The following PTGER2 variants were observed in gnomAD, a reference collection of about 807,000 sequenced individuals.
PTGER2 encodes prostaglandin E receptor 2.
In PTGER2, 22 loss-of-function variants were observed where a neutral mutation model predicts 26.2. The ratio of observed to expected loss-of-function variants is 0.84; its 90% confidence interval spans 0.60 to 1.20. The LOEUF (loss-of-function observed/expected upper bound fraction) is 1.20, where lower values mean the gene tolerates loss of function less well. Among genes scored for constraint, PTGER2 ranks in the 50% most tolerant of loss-of-function variants. The probability of loss-of-function intolerance (pLI) is 0.00; values close to 1 mark genes in which losing one functional copy is unlikely to be tolerated. For synonymous variants in PTGER2, 219 were observed against 208.9 expected, an observed-to-expected ratio of 1.05 and a Z score of -0.42; for missense variants, 458 against 475.2, an observed-to-expected ratio of 0.96 and a Z score of 0.34.
chr14:52,314,473 C>T lies in PTGER2; in HGVS notation c.-76C>T, dbSNP rs1221067196. The T allele has an allele frequency of 1.3e-5, 18 of 1,378,746 alleles. No individual in the cohort carries two copies. Among genetic ancestry groups the T allele is most frequent in the Admixed American group, 2.7e-5 (1 of 36,494 alleles). 85.4% of individuals were successfully genotyped at this position (1,378,746 alleles called of 1,614,324 possible). The stretch of plus-strand genomic sequence containing the variant: ...CCTTTTTCCTCTGAGTCTCGGAACG[C>T]TCCGGCTCTCAGACCCTCTTCCTCC... On this transcript the variant is annotated 5_prime_UTR_variant, in exon 1 of 2. Coordinates refer to ENST00000245457, the MANE Select transcript of PTGER2 (RefSeq NM_000956.4). The surrounding 1 kb of genome is among the most constrained non-coding windows in gnomAD (Gnocchi z 5.7).
rs1483105355 is a variant in PTGER2 at position 52,327,614 on chromosome 14, C to T, written c.*160C>T. 4.9e-6 allele frequency: 3 copies of T among 617,446 alleles called. No individual in the cohort carries two copies. Among genetic ancestry groups the T allele is most frequent in the Non-Finnish European group, 8.2e-6 (3 of 365,068 alleles). 38.2% of individuals were successfully genotyped at this position (617,446 alleles called of 1,614,324 possible). A position where few individuals can be genotyped will look rare whatever the true frequency, so the allele number is the denominator to read the frequency against. On this transcript the variant is annotated 3_prime_UTR_variant, in exon 2 of 2. Transcript: ENST00000245457. ...GTGGTCAAGGCTACAGATGTGCTGA[C>T]AAGGCACTTCATGTAAAGTGTCAGA...
rs748675650 is a variant in PTGER2 at position 52,327,247 on chromosome 14, T to C, written c.870T>C (p.Ser290=). The C allele has an allele frequency of 1.2e-6, 2 of 1,610,118 alleles. No individual in the cohort carries two copies. The highest frequency in any genetic ancestry group is 2.2e-5 in the South Asian group (2 of 90,896). ...TTTTTGCATATATGAATGAAACCTC[T>C]TCCCGAAAGGAAAAATGGGACCTCC... ...FTIFAYMNET[S]SRKEKWDLQA... is the part of the protein sequence containing the mutation. The change falls in exon 2 of 2, where the codon TCT becomes TCC. Residue 290 remains serine, a synonymous_variant. Transcript: ENST00000245457.
chr14:52,322,902 GCT>G (rs1043437829), intron 1 of PTGER2, among the ~76,000 whole-genome samples: 8 of 152,056 alleles, frequency 5.3e-5, no homozygotes, highest in Non-Finnish European at 1.2e-4. Context: ...CCTGAAAATC[GCT>G]GTTATTCTGT....
In PTGER2 at chr14:52,314,900, T is replaced by A; in HGVS notation, c.352T>A (p.Phe118Ile). 1 of 1,612,742 alleles carries A rather than the reference T, an allele frequency of 6.2e-7. No homozygotes were observed. Among genetic ancestry groups the A allele is most frequent in the Non-Finnish European group, 8.5e-7 (1 of 1,179,756 alleles). Residue 118 changes from phenylalanine (F) to isoleucine (I), a missense_variant, in exon 1 of 2, where the codon TTC becomes ATC. Physicochemically the swap from Phe to Ile is conservative, Grantham distance 21. Coordinates refer to ENST00000245457, the MANE Select transcript of PTGER2 (RefSeq NM_000956.4). The surrounding 1 kb of genome is among the most constrained non-coding windows in gnomAD (Gnocchi z 5.7). ...ACTYFAFAMT[F>I]FSLATMLMLF... ...CACCTACTTCGCTTTCGCCATGACC[T>A]TCTTCAGCCTGGCCACGATGCTCAT...
At position 52,314,679 on chromosome 14, in the gene PTGER2, C is replaced by A. The variant is rs772137580; in HGVS notation, c.131C>A (p.Ala44Glu). Reference sequence around the variant, plus strand: ...GTGCTGGGGAACCTCATAGCACTGGCGCTGCTGGCGCGCCGCTGGCGGGGG... The same window carrying A: ...GTGCTGGGGAACCTCATAGCACTGGAGCTGCTGGCGCGCCGCTGGCGGGGG... ...AGVLGNLIAL[A>E]LLARRWRGDV... The change falls in exon 1 of 2, where the codon GCG becomes GAG. Residue 44 changes from alanine to glutamate, a missense_variant. By Grantham distance (107) the Ala-to-Glu change is moderately radical. Coordinates refer to ENST00000245457, the MANE Select transcript of PTGER2 (RefSeq NM_000956.4). This position sits in a 1 kb window ranked among gnomAD's most constrained non-coding sequence, Gnocchi z 5.7. 2.6e-5 allele frequency: 40 copies of A among 1,546,240 alleles called. No homozygotes were observed. The African/African-American group carries it at 3.5e-4, about 14-fold the overall frequency.
intron 1 of PTGER2, among the ~76,000 whole-genome samples, chr14:52,325,197 A>G (rs572210479): frequency 7.1e-5 from 10 of 140,790 alleles, no homozygotes; most frequent in Admixed American, 3.7e-4. Context: ...ATTTTAAGCA[A>G]TTCTCAAAAT....
At chr14:52,327,179 C>A in intron 1 of PTGER2, 42 bp from the exon 2 acceptor site, 1 of 1,390,346 alleles carries the variant, frequency 7.2e-7, no homozygotes, top group Non-Finnish European at 1.0e-6. Context: ...TCTACTGCTA[C>A]GATGTAAAAC....
At chr14:52,325,876 A>G (rs2033944914) in intron 1 of PTGER2, among the ~76,000 whole-genome samples, 1 of 152,252 alleles carries the variant, frequency 6.6e-6, no homozygotes, top group Non-Finnish European at 1.5e-5. Context: ...TTTGCTTTGT[A>G]TATCCAGTTG....
At chr14:52,321,254 C>G (rs1340826558) in intron 1 of PTGER2, among the ~76,000 whole-genome samples, 1 of 70,922 alleles carries the variant, frequency 1.4e-5, no homozygotes, top group Non-Finnish European at 4.1e-5. Flanking sequence ...ATAATCTCCC[C>G]CCAAAATGTT....
At chr14:52,317,369 G>C (rs2140035312) in intron 1 of PTGER2, among the ~76,000 whole-genome samples, 1 of 152,320 alleles carries the variant, frequency 6.6e-6, no homozygotes, top group East Asian at 1.9e-4. Context: ...TTTAAATAAA[G>C]GTAGTGGTTT....
intron 1 of PTGER2, among the ~76,000 whole-genome samples, chr14:52,317,008 A>G (rs943595636): frequency 6.6e-6 from 1 of 152,176 alleles, no homozygotes; most frequent in Non-Finnish European, 1.5e-5. Context: ...TTATGTTAGG[A>G]GCTAAATCAG....
intron 1 of PTGER2, among the ~76,000 whole-genome samples, chr14:52,320,628 G>A (rs2033885575): frequency 6.6e-6 from 1 of 152,144 alleles, no homozygotes; most frequent in Non-Finnish European, 1.5e-5. Flanking sequence ...TGCTCAGTTG[G>A]CTTCTCCTGT....
At chr14:52,326,234 G>T (rs1304693735) in intron 1 of PTGER2, among the ~76,000 whole-genome samples, 1 of 152,196 alleles carries the variant, frequency 6.6e-6, no homozygotes, top group Non-Finnish European at 1.5e-5. Flanking sequence ...TCAGGACATT[G>T]TTCTGAGGCC....
intron 1 of PTGER2, among the ~76,000 whole-genome samples, chr14:52,317,384 C>G (rs1202275799): frequency 3.3e-5 from 5 of 152,220 alleles, no homozygotes; most frequent in Non-Finnish European, 5.9e-5. Context: ...TGGTTTCCAA[C>G]AGGTTGCCCT....
intron 1 of PTGER2, 140 bp downstream of exon 1, chr14:52,315,531 C>T: frequency 8.3e-7 from 1 of 1,200,178 alleles, no homozygotes; most frequent in Non-Finnish European, 1.1e-6. Context: ...GATCTGTAGC[C>T]TTCCCCACTA....
At chr14:52,316,336 A>G (rs1594635888) in intron 1 of PTGER2, among the ~76,000 whole-genome samples, 1 of 152,336 alleles carries the variant, frequency 6.6e-6, no homozygotes, top group East Asian at 1.9e-4. Context: ...CTAACTGCTA[A>G]ATGATATGAG....
chr14:52,321,949 A>C (rs1006121877), intron 1 of PTGER2, among the ~76,000 whole-genome samples: 1 of 151,996 alleles, frequency 6.6e-6, no homozygotes, highest in Non-Finnish European at 1.5e-5. Flanking sequence ...AGTGTGATAA[A>C]TGAATAATTT....
Position 52,327,619 on chromosome 14 carries a change from C to T in PTGER2, c.*165C>T, listed in dbSNP as rs909084015. 73 of 610,856 alleles carry T rather than the reference C, an allele frequency of 1.2e-4. 2 individuals are homozygous for T. Among genetic ancestry groups the T allele is most frequent in the Non-Finnish European group, 1.7e-4 (61 of 360,038 alleles). The allele number at this position is 610,856 out of a possible 1,614,324, so 37.8% of individuals were successfully genotyped here. A position where few individuals can be genotyped will look rare whatever the true frequency, so the allele number is the denominator to read the frequency against. ...CAAGGCTACAGATGTGCTGACAAGG[C>T]ACTTCATGTAAAGTGTCAGAAGGAG... is the stretch of plus-strand genomic sequence containing the variant. On this transcript the variant is annotated 3_prime_UTR_variant, in exon 2 of 2. Transcript: ENST00000245457.
In PTGER2 at chr14:52,315,096, C is replaced by T. The variant is rs147051461; in HGVS notation, c.548C>T (p.Pro183Leu). 1 of 1,611,056 alleles carries T rather than the reference C, an allele frequency of 6.2e-7. No homozygotes were observed. Among genetic ancestry groups the T allele is most frequent in the African/African-American group, 1.3e-5 (1 of 75,006 alleles). ...LDYGQYVQYC[P>L]GTWCFIRHGR... ...TATGGGCAGTACGTCCAGTACTGCCCCGGGACCTGGTGCTTCATCCGGCAC... is the reference window on the plus strand; with the variant it reads ...TATGGGCAGTACGTCCAGTACTGCCTCGGGACCTGGTGCTTCATCCGGCAC... The change falls in exon 1 of 2, where the codon CCC becomes CTC. Residue 183 changes from proline (P) to leucine (L), a missense_variant. Pro to Leu is a moderately conservative substitution (Grantham distance 98, BLOSUM62 -3). Coordinates refer to ENST00000245457, the MANE Select transcript of PTGER2 (RefSeq NM_000956.4).
Sources: gnomAD v4.1 joint callset for allele counts (sites outside exome capture counted in the v4.1 genomes callset) on GRCh38, gnomAD v4.1.1 for gene constraint, Gnocchi (gnomAD v3.1) non-coding constraint, MANE v1.5 for transcripts, NCBI Gene and HGNC (gene_info 2026-07-23, HGNC 2026-07-21) for gene names.